Variants in PRKCSH observed in about 807,000 individuals in gnomAD.
PRKCSH encodes the protein PRKCSH beta subunit of glucosidase II.
In PRKCSH, 42 loss-of-function variants were observed where a neutral mutation model predicts 79.7. The ratio of observed to expected loss-of-function variants is 0.53; its 90% CI spans 0.41 to 0.68. The LOEUF (loss-of-function observed/expected upper bound fraction) is 0.68, where lower values mean the gene tolerates loss of function less well. PRKCSH is among the 30% of genes least tolerant of loss of function. The probability of loss-of-function intolerance (pLI) is 0.00; values close to 1 mark genes in which losing one functional copy is unlikely to be tolerated. For missense variants in PRKCSH, 686 were observed against 709.0 expected (o/e 0.97, Z 0.37); for synonymous variants, 325 against 288.2 (o/e 1.13, Z -1.29).
chr19:11,439,333 G>A (rs932815805), intron 5 of PRKCSH, among the ~76,000 whole-genome samples: 4 of 152,026 alleles, frequency 2.6e-5, no homozygotes, highest in African/African-American at 9.7e-5. Context: ...CATTTTGGGA[G>A]GCTGAGGCAG....
chr19:11,441,321 T>TAAGG lies in PRKCSH; in HGVS notation c.433_434insAGGA (p.Ile145LysfsTer3), dbSNP rs1970051488. ...AAGGGTTCCGTCTGAAGAAGATCCT[T>TAAGG]ATTGAGGACTGGAAGAAGGCACGGG... On this transcript the variant is annotated frameshift_variant, in exon 6 of 18. Coordinates refer to ENST00000677123, the MANE Select transcript of PRKCSH (RefSeq NM_001289104.2). LOFTEE classifies it high-confidence loss of function. 2 of 1,613,538 alleles carry TAAGG rather than the reference T, an allele frequency of 1.2e-6. No homozygotes were observed. Among genetic ancestry groups the TAAGG allele is most frequent in the Non-Finnish European group, 1.7e-6 (2 of 1,179,782 alleles).
Position 11,447,262 on chromosome 19 carries a change from C to A in PRKCSH, c.849+102C>A. ...TGGTTCTGGCACCTGGCCACCCTGG[C>A]CAGCTGGGTGGCCCCAGCACCCCCC... On this transcript the variant is annotated intron_variant, in intron 10 of 17. Coordinates refer to ENST00000677123, the MANE Select transcript of PRKCSH (RefSeq NM_001289104.2). This position sits in a 1 kb window ranked among gnomAD's most constrained non-coding sequence, Gnocchi z 5.6. The A allele has an allele frequency of 7.0e-7, 1 of 1,435,472 alleles. No homozygotes were observed. The highest frequency in any genetic ancestry group is 9.6e-7 in the Non-Finnish European group (1 of 1,037,482). The allele number at this position is 1,435,472 out of a possible 1,614,324, so 88.9% of individuals were successfully genotyped here.
chr19:11,446,401 G>C, intron 9 of PRKCSH, 51 bp downstream of exon 9: 1 of 1,576,022 alleles, frequency 6.3e-7, no homozygotes, highest in African/African-American at 1.4e-5. Context: ...ATTGCCCCAG[G>C]GTGACCTCAG....
rs369639994 is a variant in PRKCSH at position 11,446,272 on chromosome 19, G to A, written c.684G>A (p.Thr228=). The A allele has an allele frequency of 1.2e-6, 2 of 1,613,574 alleles. No homozygotes were observed. The highest frequency in any genetic ancestry group is 8.5e-7 in the Non-Finnish European group (1 of 1,179,788). Residue 228 remains threonine, a splice_region_variant and synonymous_variant, in exon 9 of 18, where the codon ACG becomes ACA. Coordinates refer to ENST00000677123, the MANE Select transcript of PRKCSH (RefSeq NM_001289104.2). ...FKELDDDMDG[T]VSVTELQTHP... ...GTCTGCTTCTGCCACGCCCCCGCAG[G>A]GTCTCGGTGACTGAGCTGCAGACTC...
chr19:11,441,041 T>G (rs964829419), intron 5 of PRKCSH, 199 bp from the exon 6 acceptor site: 2 of 605,386 alleles, frequency 3.3e-6, no homozygotes, highest in South Asian at 1.7e-5. Context: ...CCCCAGGGGC[T>G]TACAGAACCC....
intron 5 of PRKCSH, chr19:11,440,958 C>T (rs1970036228): frequency 2.4e-6 from 1 of 416,132 alleles, no homozygotes. Flanking sequence ...AACCACTGCA[C>T]CCAGCTGATC....
intron 7 of PRKCSH, among the ~76,000 whole-genome samples, chr19:11,443,066 C>G (rs924007386): frequency 6.6e-6 from 1 of 152,024 alleles, no homozygotes; most frequent in African/African-American, 2.4e-5. Flanking sequence ...CTTAGTTAAT[C>G]CAGTGACCAT....
At chr19:11,436,612 G>C in intron 3 of PRKCSH, 107 bp downstream of exon 3, 2 of 966,382 alleles carry the variant, frequency 2.1e-6, no homozygotes, top group South Asian at 2.8e-5. Context: ...CCTTTGAGTG[G>C]GCAGAAACAA....
At chr19:11,442,567 C>G (rs1290319149) in intron 7 of PRKCSH, 52 bp downstream of exon 7, 20 of 1,595,688 alleles carry the variant, frequency 1.3e-5, no homozygotes, top group Non-Finnish European at 1.6e-5. Flanking sequence ...GGGAGCAGGT[C>G]TGGGCCTAGG....
In PRKCSH at chr19:11,448,052, A is replaced by G; in HGVS notation, c.1127-170A>G. ...TCGCTCAGGAGCTGGGAGCCTGGGC[A>G]GCAAGTCGGGGCTGCTCTATAGCTG... On this transcript the variant is annotated intron_variant, in intron 12 of 17. Transcript: ENST00000677123. This position sits in a 1 kb window ranked among gnomAD's most constrained non-coding sequence, Gnocchi z 4.4. 1.3e-6 allele frequency: 1 copy of G among 798,488 alleles called. No individual in the cohort carries two copies. Among genetic ancestry groups the G allele is most frequent in the South Asian group, 1.7e-5 (1 of 60,288 alleles). 49.5% of individuals were successfully genotyped at this position (798,488 alleles called of 1,614,324 possible).
chr19:11,436,679 G>A lies in PRKCSH; in HGVS notation c.196+174G>A, dbSNP rs1377076440. ...CGGGCAGCTGGAGGAGCCCAGAGTCGTCCTCCTCCCAAGCCTCGGGGTCAG... is the reference window on the plus strand; with the variant it reads ...CGGGCAGCTGGAGGAGCCCAGAGTCATCCTCCTCCCAAGCCTCGGGGTCAG... On this transcript the variant is annotated intron_variant, in intron 3 of 17. Transcript: ENST00000677123. The A allele has an allele frequency of 6.3e-6, 4 of 633,698 alleles. 1 individual carries two copies. Among genetic ancestry groups the A allele is most frequent in the Middle Eastern group, 8.3e-4 (2 of 2,402 alleles). The allele number at this position is 633,698 out of a possible 1,614,324, so 39.3% of individuals were successfully genotyped here. A position where few individuals can be genotyped will look rare whatever the true frequency, so the allele number is the denominator to read the frequency against.
rs763112063 is a variant in PRKCSH at position 11,448,197 on chromosome 19, C to G, written c.1127-25C>G. The G allele has an allele frequency of 1.0e-5, 16 of 1,550,916 alleles. No individual in the cohort carries two copies. Among genetic ancestry groups the G allele is most frequent in the Non-Finnish European group, 1.4e-5 (16 of 1,145,962 alleles). ...TCCTCCTGGATGGGGTTGAGGACAT[C>G]TCTGACCTCCAACCCCTCTCCCAGC... is the stretch of plus-strand genomic sequence containing the variant. On this transcript the variant is annotated intron_variant, in intron 12 of 17. Transcript: ENST00000677123. This position sits in a 1 kb window ranked among gnomAD's most constrained non-coding sequence, Gnocchi z 4.4.
At chr19:11,444,123 G>A (rs1380422012) in intron 7 of PRKCSH, among the ~76,000 whole-genome samples, 1 of 152,206 alleles carries the variant, frequency 6.6e-6, no homozygotes, top group Non-Finnish European at 1.5e-5. Flanking sequence ...TTTGGTGCTA[G>A]AGCCTGGTGT....
intron 7 of PRKCSH, 66 bp from the exon 8 acceptor site, chr19:11,445,323 G>A (rs1466492771): frequency 7.8e-6 from 12 of 1,529,406 alleles, no homozygotes; most frequent in Non-Finnish European, 6.3e-6. Context: ...AAACGACCCT[G>A]TGGGGTGCGG....
chr19:11,448,392 G>A lies in PRKCSH; in HGVS notation c.1196+101G>A. On this transcript the variant is annotated intron_variant, in intron 13 of 17. Transcript: ENST00000677123. This position sits in a 1 kb window ranked among gnomAD's most constrained non-coding sequence, Gnocchi z 4.4. ...GAATCACTGAGGCAACCACAGGCTG[G>A]GCCTGGTCCCTGCAGGGAGGGTCCC... 6.7e-7 allele frequency: 1 copy of A among 1,495,832 alleles called. No homozygotes were observed. The allele number at this position is 1,495,832 out of a possible 1,614,324, so 92.7% of individuals were successfully genotyped here. A position where few individuals can be genotyped will look rare whatever the true frequency, so the allele number is the denominator to read the frequency against.
intron 9 of PRKCSH, 49 bp downstream of exon 9, chr19:11,446,399 A>G: frequency 6.3e-7 from 1 of 1,580,700 alleles, no homozygotes; most frequent in Non-Finnish European, 8.6e-7. Context: ...GCATTGCCCC[A>G]GGGTGACCTC....
At chr19:11,439,820 A>C (rs776713869) in intron 5 of PRKCSH, among the ~76,000 whole-genome samples, 45 of 150,926 alleles carry the variant, frequency 3.0e-4, no homozygotes, top group Non-Finnish European at 5.9e-4. Context: ...GGTGTTTCAC[A>C]ATATTGGCCA....
chr19:11,447,409 A>C lies in PRKCSH; in HGVS notation c.850-30A>C. 2.5e-6 allele frequency: 4 copies of C among 1,610,054 alleles called. No individual in the cohort carries two copies. Among genetic ancestry groups the C allele is most frequent in the Non-Finnish European group, 3.4e-6 (4 of 1,177,000 alleles). Reference sequence around the variant, plus strand: ...GAGGGTGTGGGTGGACCCTGAGTCCACAACACCGACCGCACTGCTCACCCG... The same window carrying C: ...GAGGGTGTGGGTGGACCCTGAGTCCCCAACACCGACCGCACTGCTCACCCG... On this transcript the variant is annotated intron_variant, in intron 10 of 17. Transcript: ENST00000677123. This position sits in a 1 kb window ranked among gnomAD's most constrained non-coding sequence, Gnocchi z 5.6.
chr19:11,440,758 A>G (rs986582150), intron 5 of PRKCSH, among the ~76,000 whole-genome samples: 1 of 152,106 alleles, frequency 6.6e-6, no homozygotes, highest in South Asian at 2.1e-4. Flanking sequence ...CAGCCAACCA[A>G]CACACTTAGT....
Sources: gnomAD v4.1 joint callset for allele counts (sites outside exome capture counted in the v4.1 genomes callset) on GRCh38, gnomAD v4.1.1 for gene constraint, Gnocchi (gnomAD v3.1) non-coding constraint, MANE v1.5 for transcripts, NCBI Gene and HGNC (gene_info 2026-07-23, HGNC 2026-07-21) for gene names.